Variants in OSBPL6 observed in about 807,000 individuals in gnomAD.
OSBPL6 encodes oxysterol-binding protein-related protein 6.
OSBPL6 carries 49 observed loss-of-function variants against 125.8 expected under a neutral mutation model. The observed-to-expected ratio is 0.39, with a 90% confidence interval of 0.31 to 0.49. OSBPL6 has a LOEUF of 0.49. Ranked by LOEUF, OSBPL6 falls within the 20% of genes least tolerant of loss-of-function variation. The pLI, the probability that OSBPL6 is intolerant of heterozygous loss-of-function variation, is 0.88. For missense variants in OSBPL6, 986 were observed against 1,135.4 expected (o/e 0.87, Z 1.89); for synonymous variants, 394 against 391.8 (o/e 1.01, Z -0.07).
chr2:178,319,755 G>T (rs1174300022), intron 3 of OSBPL6, among the ~76,000 whole-genome samples: 2 of 152,182 alleles, frequency 1.3e-5, no homozygotes, highest in African/African-American at 4.8e-5. Flanking sequence ...GTGTTGCTAC[G>T]TTCAAAGTAG....
intron 2 of OSBPL6, among the ~76,000 whole-genome samples, chr2:178,287,890 C>T (rs545237542): frequency 1.3e-5 from 2 of 151,586 alleles, no homozygotes; most frequent in Admixed American, 6.6e-5. Context: ...CAACTAAGAC[C>T]GAAAAAATGG....
At chr2:178,217,645 C>A (rs1326092593) in intron 1 of OSBPL6, among the ~76,000 whole-genome samples, 3 of 152,148 alleles carry the variant, frequency 2.0e-5, no homozygotes, top group Non-Finnish European at 4.4e-5. Flanking sequence ...TTACATAGGG[C>A]TCACAGATTG....
intron 1 of OSBPL6, among the ~76,000 whole-genome samples, chr2:178,234,971 C>G (rs564935877): frequency 6.6e-6 from 1 of 152,294 alleles, no homozygotes; most frequent in South Asian, 2.1e-4. Context: ...GCCACTCACT[C>G]TTACCACCTT....
chr2:178,320,371 A>G (rs1444894886), intron 3 of OSBPL6: 1 of 1,613,298 alleles, frequency 6.2e-7, no homozygotes. Context: ...AATATGCATC[A>G]GTTATCTCTG....
intron 2 of OSBPL6, among the ~76,000 whole-genome samples, chr2:178,289,981 T>C (rs1685088810): frequency 6.6e-6 from 1 of 152,226 alleles, no homozygotes. Flanking sequence ...ACCCCACTTT[T>C]AGTGATGCTG....
intron 1 of OSBPL6, among the ~76,000 whole-genome samples, chr2:178,267,260 A>G (rs956883416): frequency 7.4e-5 from 11 of 149,588 alleles, no homozygotes; most frequent in African/African-American, 2.7e-4. Context: ...AGGCTGAGGC[A>G]GGAGAATTGC....
chr2:178,269,772 G>A (rs182912457), intron 1 of OSBPL6, among the ~76,000 whole-genome samples: 6 of 152,190 alleles, frequency 3.9e-5, no homozygotes, highest in African/African-American at 1.2e-4. Context: ...GCACAATATA[G>A]GCATTCGGTC....
chr2:178,249,619 A>G (rs896930802), intron 1 of OSBPL6, among the ~76,000 whole-genome samples: 1 of 152,048 alleles, frequency 6.6e-6, no homozygotes, highest in Non-Finnish European at 1.5e-5. Flanking sequence ...TCAGCTTTTC[A>G]TCTTTGCTTT....
rs1016200556 is a variant in OSBPL6 at position 178,361,974 on chromosome 2, A to G, written c.1287+159A>G. On this transcript the variant is annotated intron_variant, in intron 13 of 24. Coordinates refer to ENST00000190611, the MANE Select transcript of OSBPL6 (RefSeq NM_032523.4). ...GACTGCAGTGTCAGTATTAGATTTT[A>G]CTACTTTTCTTCCCCAAAATTTCAA... Among the ~76,000 whole-genome samples, 5 of 152,328 alleles carry G rather than the reference A, an allele frequency of 3.3e-5. No individual in the cohort carries two copies. The East Asian group carries it at 9.6e-4, about 29-fold the overall frequency.
chr2:178,352,603 G>A (rs1255736504), intron 12 of OSBPL6, among the ~76,000 whole-genome samples: 1 of 152,194 alleles, frequency 6.6e-6, no homozygotes, highest in Non-Finnish European at 1.5e-5. Flanking sequence ...ACTGGGCAGA[G>A]CCCACTGCAG....
intron 1 of OSBPL6, among the ~76,000 whole-genome samples, chr2:178,262,968 C>G (rs1279482104): frequency 6.6e-6 from 1 of 152,150 alleles, no homozygotes; most frequent in Non-Finnish European, 1.5e-5. Context: ...ACTCAACAGA[C>G]TCTTCTGATA....
intron 14 of OSBPL6, among the ~76,000 whole-genome samples, chr2:178,373,603 A>T (rs1358447299): frequency 6.6e-6 from 1 of 152,242 alleles, no homozygotes; most frequent in Non-Finnish European, 1.5e-5. Context: ...AGTTGTCTCT[A>T]CAGTCAATCA....
intron 20 of OSBPL6, among the ~76,000 whole-genome samples, chr2:178,388,029 G>A (rs536857338): frequency 1.3e-5 from 2 of 152,032 alleles, no homozygotes; most frequent in African/African-American, 4.8e-5. Flanking sequence ...AAATGTATAA[G>A]GAAGAGAGTT....
Position 178,328,376 on chromosome 2 carries a change from A to G in OSBPL6, c.316A>G (p.Lys106Glu), listed in dbSNP as rs1688883176. 1 of 1,612,288 alleles carries G rather than the reference A, an allele frequency of 6.2e-7. No individual in the cohort carries two copies. ...AAAATGGCCTTTAAAAGGCTGGCACAAGGTAACATTTTTATCATATTCAGG... is the reference window on the plus strand; with the variant it reads ...AAAATGGCCTTTAAAAGGCTGGCACGAGGTAACATTTTTATCATATTCAGG... ...KRKWPLKGWH[K>E]RFFVLDNGML... Residue 106 changes from lysine (K) to glutamate (E), a missense_variant and splice_region_variant, in exon 5 of 25, where the codon AAG (lysine) becomes GAG (glutamate). By Grantham distance (56) the Lys-to-Glu change is moderately conservative. Transcript: ENST00000190611.
In OSBPL6 at chr2:178,332,976, A is replaced by G; in HGVS notation, c.592A>G (p.Ile198Val). Residue 198 changes from isoleucine (I) to valine (V), a missense_variant, in exon 8 of 25, where the codon ATA becomes GTA. Ile to Val is a conservative substitution (Grantham distance 29). This residue lies in a region of OSBPL6 where 843 missense variants were observed against 997.3 expected (regional missense o/e 0.85). Transcript: ENST00000190611. ...ATCACCAAGAGATGCTAGTTTTCAC[A>G]TATTTCCTTCAACGTCCACAGCTGA... ...VRSPRDASFH[I>V]FPSTSTAESS... 6.2e-7 allele frequency: 1 copy of G among 1,614,204 alleles called. No individual in the cohort carries two copies. Among genetic ancestry groups the G allele is most frequent in the Non-Finnish European group, 8.5e-7 (1 of 1,180,014 alleles).
intron 11 of OSBPL6, among the ~76,000 whole-genome samples, chr2:178,347,983 G>T (rs980460428): frequency 6.6e-6 from 1 of 152,184 alleles, no homozygotes; most frequent in Non-Finnish European, 1.5e-5. Flanking sequence ...GGACAATGCT[G>T]CATCAGAAGG....
rs576727369 is a variant in OSBPL6, at chr2:178,370,110, C to A, written c.1288-2016C>A. ...CAAAACTTCATCTCTACTAAAAATACAAAAATTAGCCAGATGTGGTGGTGC... is the reference window on the plus strand; with the variant it reads ...CAAAACTTCATCTCTACTAAAAATAAAAAAATTAGCCAGATGTGGTGGTGC... On this transcript the variant is annotated intron_variant, in intron 13 of 24. Coordinates refer to ENST00000190611, the MANE Select transcript of OSBPL6 (RefSeq NM_032523.4). 2.0e-5 allele frequency among the ~76,000 whole-genome samples: 3 copies of A among 152,138 alleles called. No individual in the cohort carries two copies. In the South Asian group the frequency reaches 6.2e-4, roughly 32 times the overall value.
chr2:178,394,190 T>G, intron 23 of OSBPL6, 123 bp from the exon 24 acceptor site: 1 of 1,261,176 alleles, frequency 7.9e-7, no homozygotes, highest in Middle Eastern at 2.6e-4. Flanking sequence ...AGAGCAAGAC[T>G]CCGTCCGTTA....
intron 2 of OSBPL6, among the ~76,000 whole-genome samples, 189 bp from the exon 3 acceptor site, chr2:178,305,841 C>G (rs568308280): frequency 2.1e-5 from 2 of 97,186 alleles, no homozygotes; most frequent in African/African-American, 4.1e-5. Context: ...TGCTTGTTAA[C>G]AGTCCTTTTT....
Sources: allele counts gnomAD v4.1 joint callset (sites outside exome capture counted in the v4.1 genomes callset), GRCh38; gene constraint gnomAD v4.1.1; regional missense constraint gnomAD v4.1.1; transcripts MANE v1.5; gene names NCBI Gene and HGNC (gene_info 2026-07-23, HGNC 2026-07-21).